Variants in DIAPH3 observed in about 807,000 individuals in gnomAD.
DIAPH3 encodes protein diaphanous homolog 3.
A neutral mutation model predicts 144.3 loss-of-function variants in DIAPH3; 117 were observed. The ratio of observed to expected loss-of-function variants is 0.81; its 90% CI spans 0.70 to 0.95. The LOEUF is 0.95. Ranked by LOEUF, DIAPH3 falls within the 40% of genes least tolerant of loss-of-function variation. The pLI, the probability that DIAPH3 is intolerant of heterozygous loss-of-function variation, is 0.00. For missense variants in DIAPH3, 1,421 were observed against 1,412.7 expected (o/e 1.01, Z -0.09); for synonymous variants, 519 against 488.9 (o/e 1.06, Z -0.81).
chr13:59,848,315 T>TTTTTC (rs894756664), intron 22 of DIAPH3, among the ~76,000 whole-genome samples: 1 of 150,266 alleles, frequency 6.7e-6, no homozygotes, highest in Non-Finnish European at 1.5e-5. Context: ...ATCTTTTTTT[T>TTTTTC]TTTTTTTTTA....
chr13:60,062,348 A>T (rs1433293678), intron 4 of DIAPH3, among the ~76,000 whole-genome samples: 1 of 152,220 alleles, frequency 6.6e-6, no homozygotes, highest in Non-Finnish European at 1.5e-5. Context: ...TAAAAATACA[A>T]AAATGAACAA....
chr13:60,015,837 C>T, intron 7 of DIAPH3, 76 bp downstream of exon 7: 1 of 1,261,950 alleles, frequency 7.9e-7, no homozygotes, highest in African/African-American at 1.5e-5. Flanking sequence ...GAACAATTTA[C>T]CATCACTTTA....
intron 22 of DIAPH3, among the ~76,000 whole-genome samples, chr13:59,847,058 G>A (rs1049679410): frequency 7.2e-5 from 11 of 152,144 alleles, no homozygotes; most frequent in African/African-American, 2.4e-4. Flanking sequence ...CAACCTGGGC[G>A]ACAGAGGGAG....
intron 4 of DIAPH3, among the ~76,000 whole-genome samples, chr13:60,078,180 G>A (rs570127118): frequency 6.6e-6 from 1 of 152,052 alleles, no homozygotes; most frequent in Non-Finnish European, 1.5e-5. Flanking sequence ...CTCAGTACAT[G>A]TCTTTTCCTC....
intron 2 of DIAPH3, among the ~76,000 whole-genome samples, chr13:60,126,904 C>G (rs752213887): frequency 1.3e-4 from 20 of 152,000 alleles, no homozygotes; most frequent in Non-Finnish European, 2.6e-4. Context: ...CATAAAAAAT[C>G]TAACATGTTA....
chr13:59,825,135 C>A (rs1282872068), intron 24 of DIAPH3, among the ~76,000 whole-genome samples: 3 of 151,978 alleles, frequency 2.0e-5, no homozygotes, highest in African/African-American at 7.3e-5. Flanking sequence ...GTGCTGCACC[C>A]ATTAACTCGT....
At chr13:59,827,806 A>C (rs113090506) in intron 24 of DIAPH3, among the ~76,000 whole-genome samples, 5 of 152,050 alleles carry the variant, frequency 3.3e-5, no homozygotes, top group African/African-American at 1.2e-4. Context: ...TCAAAGCCAC[A>C]GTGACCAATG....
intron 5 of DIAPH3, among the ~76,000 whole-genome samples, chr13:60,040,827 TC>T (rs1276339922): frequency 6.6e-6 from 1 of 152,092 alleles, no homozygotes; most frequent in Non-Finnish European, 1.5e-5. Context: ...CAGCAGGTGC[TC>T]AATAATTTTT....
chr13:59,949,062 A>C (rs1266560836), intron 17 of DIAPH3, among the ~76,000 whole-genome samples: 4 of 152,202 alleles, frequency 2.6e-5, no homozygotes, highest in African/African-American at 9.6e-5. Flanking sequence ...GAAAGCAGGA[A>C]GAAGGAACAA....
intron 25 of DIAPH3, among the ~76,000 whole-genome samples, chr13:59,787,005 G>A (rs1362487545): frequency 2.6e-5 from 4 of 152,126 alleles, no homozygotes; most frequent in Non-Finnish European, 5.9e-5. Context: ...AAGGGGTGAC[G>A]TGGGGGGATC....
chr13:59,689,480 T>C (rs555093851), intron 27 of DIAPH3, among the ~76,000 whole-genome samples: 1 of 152,116 alleles, frequency 6.6e-6, no homozygotes, highest in African/African-American at 2.4e-5. Context: ...GAGAATAAAA[T>C]TTGATTAGAC....
intron 22 of DIAPH3, among the ~76,000 whole-genome samples, chr13:59,850,119 T>C (rs1355739016): frequency 6.6e-6 from 1 of 151,728 alleles, no homozygotes; most frequent in African/African-American, 2.4e-5. Context: ...GCTCTCTGTT[T>C]GTCTGTTGTT....
At chr13:59,896,469 T>G (rs2140149820) in intron 20 of DIAPH3, among the ~76,000 whole-genome samples, 1 of 151,948 alleles carries the variant, frequency 6.6e-6, no homozygotes, top group Middle Eastern at 3.4e-3. Context: ...GAATGCAGAG[T>G]AAGATTTTAA....
intron 2 of DIAPH3, among the ~76,000 whole-genome samples, chr13:60,131,961 A>AAT (rs1327629506): frequency 6.6e-6 from 1 of 152,208 alleles, no homozygotes; most frequent in African/African-American, 2.4e-5. Flanking sequence ...TCTGAGCCTC[A>AAT]ATATTGTCAA....
chr13:60,053,688 T>G (rs2056446950), intron 4 of DIAPH3, among the ~76,000 whole-genome samples: 1 of 152,080 alleles, frequency 6.6e-6, no homozygotes, highest in African/African-American at 2.4e-5. Flanking sequence ...ACTTATTCAG[T>G]GTATGTTCAC....
At chr13:59,682,383 A>T in intron 27 of DIAPH3, among the ~76,000 whole-genome samples, 1 of 152,244 alleles carries the variant, frequency 6.6e-6, no homozygotes, top group Admixed American at 6.5e-5. Context: ...GTGCAGTGGC[A>T]CCATTATAGC....
chr13:59,870,241 C>T (rs977829797), intron 21 of DIAPH3, among the ~76,000 whole-genome samples: 1 of 151,438 alleles, frequency 6.6e-6, no homozygotes. Context: ...ATTGAATTAC[C>T]TTTGTTCCTT....
chr13:59,870,733 C>T (rs989137307), intron 21 of DIAPH3, among the ~76,000 whole-genome samples: 1 of 150,150 alleles, frequency 6.7e-6, no homozygotes, highest in Non-Finnish European at 1.5e-5. Flanking sequence ...TGCAATGGCA[C>T]GATCTCGGCT....
At chr13:60,119,330 TG>T (rs2058775795) in intron 2 of DIAPH3, among the ~76,000 whole-genome samples, 1 of 152,196 alleles carries the variant, frequency 6.6e-6, no homozygotes, top group Non-Finnish European at 1.5e-5. Flanking sequence ...TTGAAAGTCC[TG>T]GTCAAGCCTT....
Sources: allele counts gnomAD v4.1 joint callset (sites outside exome capture counted in the v4.1 genomes callset), GRCh38; gene constraint gnomAD v4.1.1; transcripts MANE v1.5; gene names NCBI Gene and HGNC (gene_info 2026-07-23, HGNC 2026-07-21).